The following TLN2 variants were observed in gnomAD, a reference collection of about 807,000 sequenced individuals.
The protein encoded by TLN2 is talin 2, also known as talin-2.
Under a neutral mutation model 294.7 loss-of-function variants are expected in TLN2, and 118 were observed. That is an observed-to-expected ratio of 0.40 (90% CI 0.34 to 0.47). The LOEUF is 0.47. TLN2 is among the 20% of genes least tolerant of loss of function. The pLI is 0.84. For missense variants in TLN2, 3,083 were observed against 3,282.2 expected, an observed-to-expected ratio of 0.94 and a Z score of 1.48; for synonymous variants, 1,431 against 1,304.5, an observed-to-expected ratio of 1.10 and a Z score of -2.09.
intron 1 of TLN2, among the ~76,000 whole-genome samples, chr15:62,433,862 A>T (rs1348552094): frequency 1.3e-5 from 2 of 151,942 alleles, no homozygotes; most frequent in African/African-American, 4.8e-5. Context: ...GATGGCAGGT[A>T]CCTGTAATCC....
intron 3 of TLN2, among the ~76,000 whole-genome samples, chr15:62,619,808 T>C (rs931835555): frequency 6.6e-6 from 1 of 152,206 alleles, no homozygotes; most frequent in African/African-American, 2.4e-5. Flanking sequence ...TTCAGCCTTC[T>C]GGCATCTGTA....
intron 1 of TLN2, among the ~76,000 whole-genome samples, chr15:62,413,571 C>G (rs946251658): frequency 6.6e-6 from 1 of 152,230 alleles, no homozygotes; most frequent in Non-Finnish European, 1.5e-5. Context: ...CAGGGAAAAC[C>G]TCTGCACTGT....
intron 2 of TLN2, among the ~76,000 whole-genome samples, chr15:62,615,889 G>T (rs552847464): frequency 6.6e-6 from 1 of 152,256 alleles, no homozygotes; most frequent in Non-Finnish European, 1.5e-5. Flanking sequence ...TGAGTGTTCA[G>T]ACTCCTGCTA....
At chr15:62,477,744 C>A (rs1176152385) in intron 1 of TLN2, among the ~76,000 whole-genome samples, 1 of 151,892 alleles carries the variant, frequency 6.6e-6, no homozygotes, top group East Asian at 1.9e-4. Context: ...AGAATGGAGA[C>A]CATACTGGAA....
chr15:62,652,742 A>C (rs550566001), intron 6 of TLN2, among the ~76,000 whole-genome samples: 31 of 152,282 alleles, frequency 2.0e-4, no homozygotes, highest in Non-Finnish European at 4.3e-4. Context: ...CATAAGTTCT[A>C]CTATACGCGT....
chr15:62,750,283 A>G (rs1458763327), intron 33 of TLN2, 119 bp from the exon 34 acceptor site: 5 of 807,058 alleles, frequency 6.2e-6, no homozygotes, highest in East Asian at 2.5e-5. Context: ...CATCTGAGTA[A>G]AAGTGATCAT....
intron 1 of TLN2, among the ~76,000 whole-genome samples, chr15:62,506,262 C>T (rs982359105): frequency 6.6e-6 from 1 of 150,612 alleles, no homozygotes; most frequent in Non-Finnish European, 1.5e-5. Flanking sequence ...AGCACATTAT[C>T]TAGTGGCTGC....
intron 1 of TLN2, among the ~76,000 whole-genome samples, chr15:62,542,717 G>A (rs1193089777): frequency 6.6e-6 from 1 of 152,096 alleles, no homozygotes; most frequent in Non-Finnish European, 1.5e-5. Context: ...TTAGGGATCT[G>A]ATCCCTTGTC....
chr15:62,431,998 G>A (rs909767276), intron 1 of TLN2, among the ~76,000 whole-genome samples: 6 of 152,150 alleles, frequency 3.9e-5, no homozygotes, highest in African/African-American at 1.4e-4. Context: ...TGGAAAGGAC[G>A]TGTTGCTCTT....
At chr15:62,808,774 G>C (rs976591380) in intron 51 of TLN2, among the ~76,000 whole-genome samples, 1 of 152,232 alleles carries the variant, frequency 6.6e-6, no homozygotes, top group African/African-American at 2.4e-5. Context: ...GGGTGGCTGG[G>C]AGCATGGCTT....
intron 43 of TLN2, among the ~76,000 whole-genome samples, chr15:62,780,686 C>T (rs970454482): frequency 2.6e-5 from 4 of 152,194 alleles, no homozygotes; most frequent in African/African-American, 9.7e-5. Flanking sequence ...CCGTGGATAG[C>T]CATGGACTCG....
At chr15:62,670,054 T>C (rs186744552) in intron 9 of TLN2, among the ~76,000 whole-genome samples, 1 of 152,144 alleles carries the variant, frequency 6.6e-6, no homozygotes, top group African/African-American at 2.4e-5. Flanking sequence ...GTACAGGACT[T>C]TCTTGCCAGT....
intron 54 of TLN2, chr15:62,829,130 T>C (rs2068504345): frequency 6.9e-6 from 1 of 144,404 alleles, no homozygotes; most frequent in African/African-American, 2.6e-5. Flanking sequence ...CTGTTTGGTT[T>C]TTGAGGGTAC....
chr15:62,808,390 T>A (rs993829981), intron 51 of TLN2, among the ~76,000 whole-genome samples: 6 of 152,242 alleles, frequency 3.9e-5, no homozygotes, highest in Non-Finnish European at 5.9e-5. Flanking sequence ...TGTCTGCATT[T>A]TTTAAAAATC....
At chr15:62,610,690 G>A (rs138654809) in intron 2 of TLN2, among the ~76,000 whole-genome samples, 49 of 152,270 alleles carry the variant, frequency 3.2e-4, no homozygotes, top group South Asian at 1.7e-3. Flanking sequence ...ACCTCAGCTG[G>A]GAACATGCAA....
intron 1 of TLN2, among the ~76,000 whole-genome samples, chr15:62,562,631 G>T (rs569930386): frequency 6.6e-6 from 1 of 151,832 alleles, no homozygotes; most frequent in African/African-American, 2.4e-5. Context: ...CTGAGATTTT[G>T]GTGCACCCAT....
intron 27 of TLN2, among the ~76,000 whole-genome samples, chr15:62,725,320 C>T (rs932899001): frequency 1.4e-4 from 22 of 152,150 alleles, no homozygotes; most frequent in African/African-American, 5.3e-4. Context: ...ACTAGCTGTG[C>T]ACGCGTCCCA....
At chr15:62,698,688 T>A in intron 15 of TLN2, 66 bp from the exon 16 acceptor site, 1 of 1,372,058 alleles carries the variant, frequency 7.3e-7, no homozygotes, top group Non-Finnish European at 1.0e-6. Context: ...TTGCTTTGTT[T>A]TGCATAAAGG....
intron 39 of TLN2, chr15:62,763,281 A>T (rs190980952): frequency 1.4e-4 from 38 of 268,828 alleles, no homozygotes; most frequent in East Asian, 3.9e-4. Context: ...AGAAAATCCA[A>T]GTCCAAATTG....
Sources: allele counts gnomAD v4.1 joint callset (sites outside exome capture counted in the v4.1 genomes callset), GRCh38; gene constraint gnomAD v4.1.1; transcripts MANE v1.5; gene names NCBI Gene and HGNC (gene_info 2026-07-23, HGNC 2026-07-21).